MELK: variants seen among roughly 807,000 people sequenced by gnomAD.
MELK encodes the protein maternal embryonic leucine zipper kinase.
MELK carries 81 observed loss-of-function variants against 85.0 expected under a neutral mutation model. The observed-to-expected ratio is 0.95, with a 90% confidence interval of 0.80 to 1.15. The LOEUF is 1.15. MELK is among the 50% of genes most tolerant of loss of function. The probability of loss-of-function intolerance (pLI) is 0.00; values close to 1 mark genes in which losing one functional copy is unlikely to be tolerated. For synonymous variants in MELK, 252 were observed against 265.0 expected, an observed-to-expected ratio of 0.95 and a Z score of 0.48; for missense variants, 754 against 777.5, an observed-to-expected ratio of 0.97 and a Z score of 0.36.
At chr9:36,647,289 A>C (rs912587825) in intron 11 of MELK, among the ~76,000 whole-genome samples, 1 of 152,194 alleles carries the variant, frequency 6.6e-6, no homozygotes, top group African/African-American at 2.4e-5. Context: ...CTTGTTTCTT[A>C]GCCATTGTCT....
At chr9:36,663,873 A>T (rs565856533) in intron 13 of MELK, among the ~76,000 whole-genome samples, 4 of 152,048 alleles carry the variant, frequency 2.6e-5, no homozygotes, top group Non-Finnish European at 5.9e-5. Flanking sequence ...TATGTTTTTG[A>T]TGTATTGATT....
intron 13 of MELK, among the ~76,000 whole-genome samples, chr9:36,658,190 GT>G (rs1286001651): frequency 2.6e-5 from 4 of 151,900 alleles, no homozygotes; most frequent in African/African-American, 9.6e-5. Context: ...ATAGATTAAT[GT>G]TTTTTATCAA....
At chr9:36,584,494 A>ATTTTTTTTTTT in intron 3 of MELK, among the ~76,000 whole-genome samples, 1 of 88,650 alleles carries the variant, frequency 1.1e-5, no homozygotes, top group Non-Finnish European at 2.3e-5. Flanking sequence ...ATTTTTTTGT[A>ATTTTTTTTTTT]TTTTTTTTTT....
intron 10 of MELK, among the ~76,000 whole-genome samples, chr9:36,637,147 A>G (rs2136728693): frequency 6.6e-6 from 1 of 152,010 alleles, no homozygotes; most frequent in East Asian, 1.9e-4. Context: ...CTAGATTTCA[A>G]AAGAAGAAAG....
Position 36,606,386 on chromosome 9 carries a change from TA to T in MELK, c.568-1187del, listed in dbSNP as rs1213795363. On this transcript the variant is annotated intron_variant, in intron 7 of 17. Coordinates refer to ENST00000298048, the MANE Select transcript of MELK (RefSeq NM_014791.4). ...ATATACATATGTATAGGTGTGTATA[TA>T]ATATATACATATGTATAGGTGTGTG... 8.6e-3 allele frequency among the ~76,000 whole-genome samples: 928 copies of T among 108,472 alleles called. 14 individuals carry two copies. Among genetic ancestry groups the T allele is most frequent in the African/African-American group, 0.035 (613 of 17,578 alleles). The allele number at this position is 108,472 out of a possible 152,430, so 71.2% of individuals were successfully genotyped here.
At chr9:36,628,526 T>C (rs908303250) in intron 8 of MELK, among the ~76,000 whole-genome samples, 2 of 152,120 alleles carry the variant, frequency 1.3e-5, no homozygotes, top group Admixed American at 1.3e-4. Flanking sequence ...TTCAAGCAAT[T>C]CTCCTGCCTC....
intron 8 of MELK, among the ~76,000 whole-genome samples, chr9:36,613,860 T>G (rs552132674): frequency 9.2e-5 from 14 of 152,238 alleles, no homozygotes; most frequent in African/African-American, 3.4e-4. Context: ...GTCAAGCTGC[T>G]TTGGGCTGGG....
In MELK at chr9:36,619,598, G is replaced by C. The variant is rs553193336; in HGVS notation, c.667-10701G>C. On this transcript the variant is annotated intron_variant, in intron 8 of 17. Transcript: ENST00000298048. ...TGTATGATGTGTAAAACAAAATGAG[G>C]TATTATGTAGATTTAAAAAAAAATG... 3.3e-5 allele frequency among the ~76,000 whole-genome samples: 5 copies of C among 151,918 alleles called. No individual in the cohort carries two copies. The South Asian group carries it at 1.0e-3, about 32-fold the overall frequency.
intron 8 of MELK, among the ~76,000 whole-genome samples, chr9:36,628,845 C>T (rs1218180733): frequency 4.0e-5 from 6 of 149,776 alleles, no homozygotes; most frequent in Non-Finnish European, 8.9e-5. Flanking sequence ...TTTAAGTACT[C>T]TTATGGTTTT....
intron 13 of MELK, among the ~76,000 whole-genome samples, chr9:36,660,107 A>G (rs1282384301): frequency 6.6e-6 from 1 of 150,880 alleles, no homozygotes; most frequent in Non-Finnish European, 1.5e-5. Context: ...CCCCTTCTAA[A>G]GTCTTTCCTG....
chr9:36,674,689 A>C, intron 16 of MELK, 145 bp from the exon 17 acceptor site: 1 of 468,380 alleles, frequency 2.1e-6, no homozygotes, highest in Non-Finnish European at 3.8e-6. Context: ...CTAAGAGTTG[A>C]CTGTAAATTC....
chr9:36,676,050 T>A (rs754349553), intron 17 of MELK, among the ~76,000 whole-genome samples: 2 of 152,202 alleles, frequency 1.3e-5, no homozygotes, highest in African/African-American at 2.4e-5. Context: ...GGCATACCTC[T>A]GTCACAGGTC....
At chr9:36,659,025 G>C (rs532045761) in intron 13 of MELK, among the ~76,000 whole-genome samples, 1 of 152,108 alleles carries the variant, frequency 6.6e-6, no homozygotes, top group Non-Finnish European at 1.5e-5. Context: ...GGGACTACAG[G>C]TGCCCGCCAC....
intron 12 of MELK, among the ~76,000 whole-genome samples, chr9:36,656,901 G>A (rs746912927): frequency 4.4e-4 from 67 of 152,330 alleles, no homozygotes; most frequent in Non-Finnish European, 6.2e-4. Context: ...ACAGGCATGA[G>A]CCACCATGGG....
chr9:36,642,159 T>C (rs988949212), intron 10 of MELK, among the ~76,000 whole-genome samples: 1 of 152,160 alleles, frequency 6.6e-6, no homozygotes, highest in Non-Finnish European at 1.5e-5. Context: ...CTCTTACTTA[T>C]ATTCTTTTTT....
chr9:36,583,220 G>A (rs533587098), intron 2 of MELK, among the ~76,000 whole-genome samples: 11 of 152,088 alleles, frequency 7.2e-5, no homozygotes, highest in African/African-American at 2.2e-4. Context: ...TGATCCGCCC[G>A]CCTCGGTCTC....
At chr9:36,654,846 TA>T (rs1280405908) in intron 12 of MELK, among the ~76,000 whole-genome samples, 3 of 152,224 alleles carry the variant, frequency 2.0e-5, no homozygotes, top group Non-Finnish European at 1.5e-5. Flanking sequence ...GACATTTTAG[TA>T]ACAAGAAGTG....
Position 36,630,373 on chromosome 9 carries a change from C to G in MELK, c.735+6C>G. The G allele has an allele frequency of 1.3e-6, 2 of 1,594,216 alleles. No homozygotes were observed. Among genetic ancestry groups the G allele is most frequent in the South Asian group, 2.2e-5 (2 of 90,630 alleles). On this transcript the variant is annotated splice_donor_region_variant and intron_variant, in intron 9 of 17. Transcript: ENST00000298048. ...TTCTTCAACAAATGCTGCAGGTAAA[C>G]TTTATTTTTAAATAATAGAAGTCTA...
At chr9:36,610,579 G>A (rs938544754) in intron 8 of MELK, among the ~76,000 whole-genome samples, 1 of 152,250 alleles carries the variant, frequency 6.6e-6, no homozygotes, top group African/African-American at 2.4e-5. Context: ...TGCTGCTGTA[G>A]CCAAGACAGC....
Sources: allele counts gnomAD v4.1 joint callset (sites outside exome capture counted in the v4.1 genomes callset), GRCh38; gene constraint gnomAD v4.1.1; transcripts MANE v1.5; gene names NCBI Gene and HGNC (gene_info 2026-07-23, HGNC 2026-07-21).